Variants in OPHN1 observed in about 807,000 individuals in gnomAD.
OPHN1 encodes oligophrenin-1.
A neutral mutation model predicts 60.7 loss-of-function variants in OPHN1; 11 were observed. That is an observed-to-expected ratio of 0.18 (90% CI 0.11 to 0.30). The LOEUF (loss-of-function observed/expected upper bound fraction) is 0.30, where lower values mean the gene tolerates loss of function less well. Among genes scored for constraint, OPHN1 ranks in the 10% least tolerant of loss-of-function variants. OPHN1 has a pLI of 1.00. For synonymous variants in OPHN1, 226 were observed against 222.6 expected (o/e 1.02, Z -0.14); for missense variants, 449 against 611.0 (o/e 0.73, Z 2.80).
intron 5 of OPHN1, among the ~76,000 whole-genome samples, chrX:68,256,916 C>T (rs2077866681): frequency 9.1e-6 from 1 of 109,744 alleles, no homozygotes; most frequent in African/African-American, 3.3e-5. Context: ...CCTGTAATCC[C>T]AGCTACTCGG....
chrX:68,178,034 A>G (rs2077421446), intron 15 of OPHN1, among the ~76,000 whole-genome samples: 1 of 112,011 alleles, frequency 8.9e-6, no homozygotes, highest in Non-Finnish European at 1.9e-5. Flanking sequence ...TACATTTGGG[A>G]GAATTTTATT....
chrX:68,179,379 T>C (rs1393076456), intron 15 of OPHN1, among the ~76,000 whole-genome samples: 1 of 112,193 alleles, frequency 8.9e-6, no homozygotes, highest in Non-Finnish European at 1.9e-5. Context: ...ATAATGTATA[T>C]CTTTGTCCAG....
intron 2 of OPHN1, among the ~76,000 whole-genome samples, chrX:68,358,229 G>A (rs1180524850): frequency 5.4e-5 from 6 of 110,772 alleles, no homozygotes; most frequent in African/African-American, 2.0e-4. Context: ...GCTGAGGCAC[G>A]AGAATCGCTT....
chrX:68,279,374 G>A (rs1050120294), intron 4 of OPHN1, among the ~76,000 whole-genome samples: 19 of 108,625 alleles, frequency 1.7e-4, no homozygotes, highest in Non-Finnish European at 2.5e-4. Context: ...GCCTCCCAAA[G>A]AGCTAGGATT....
At chrX:68,094,286 T>C (rs1190900534) in intron 19 of OPHN1, among the ~76,000 whole-genome samples, 3 of 111,630 alleles carry the variant, frequency 2.7e-5, no homozygotes, top group African/African-American at 6.5e-5. Flanking sequence ...AGAGGACTTA[T>C]CGGGTTACCT....
chrX:68,179,125 A>G (rs1426757063), intron 15 of OPHN1, among the ~76,000 whole-genome samples: 1 of 111,928 alleles, frequency 8.9e-6, no homozygotes, highest in East Asian at 2.8e-4. Flanking sequence ...TAATTTCTTC[A>G]AAGGGAATTT....
intron 2 of OPHN1, among the ~76,000 whole-genome samples, chrX:68,321,922 GA>G (rs1347095049): frequency 9.7e-6 from 1 of 103,144 alleles, no homozygotes; most frequent in South Asian, 4.2e-4. Context: ...TCAAAATAAA[GA>G]AAAAAAAAAG....
intron 5 of OPHN1, among the ~76,000 whole-genome samples, chrX:68,244,074 A>C (rs2077794124): frequency 8.9e-6 from 1 of 112,751 alleles, no homozygotes; most frequent in South Asian, 3.6e-4. Flanking sequence ...GGCCTGGGCC[A>C]GAACACTCTC....
intron 3 of OPHN1, 39 bp from the exon 4 acceptor site, chrX:68,283,156 G>A: frequency 2.8e-6 from 3 of 1,075,398 alleles, no homozygotes; most frequent in Middle Eastern, 2.5e-4. Context: ...AATTAATCAT[G>A]GTGCTTGACA....
At chrX:68,310,209 G>C (rs2078166318) in intron 2 of OPHN1, among the ~76,000 whole-genome samples, 1 of 111,018 alleles carries the variant, frequency 9.0e-6, no homozygotes, top group African/African-American at 3.3e-5. Flanking sequence ...GCAGGCAAAG[G>C]GACATTACTT....
rs1602344907 is a variant in OPHN1 at position 68,349,310 on chromosome X, C to T, written c.155-50214G>A. Among the ~76,000 whole-genome samples the T allele has an allele frequency of 4.5e-5, 5 of 111,918 alleles. No individual in the cohort carries two copies. The Admixed American group carries it at 4.8e-4, about 11-fold the overall frequency. On this transcript the variant is annotated intron_variant, in intron 2 of 24. Transcript: ENST00000355520. Reference sequence around the variant, plus strand: ...CAGCCAACAGACATATGAAAAAATGCTCATCATCACTGGTCATTAGAGAAA... The same window carrying T: ...CAGCCAACAGACATATGAAAAAATGTTCATCATCACTGGTCATTAGAGAAA...
chrX:68,209,052 G>A (rs2077572766), intron 9 of OPHN1, among the ~76,000 whole-genome samples: 1 of 112,367 alleles, frequency 8.9e-6, no homozygotes, highest in South Asian at 3.7e-4. Context: ...GTAGTGTCAT[G>A]CTTTTTGAAT....
intron 2 of OPHN1, among the ~76,000 whole-genome samples, chrX:68,350,085 G>T (rs776634501): frequency 2.2e-3 from 249 of 111,263 alleles, no homozygotes; most frequent in Non-Finnish European, 3.7e-3. Context: ...AAAATCTATT[G>T]TGCATTTCAA....
intron 15 of OPHN1, among the ~76,000 whole-genome samples, chrX:68,128,480 AAC>A (rs2077180826): frequency 9.4e-6 from 1 of 106,020 alleles, no homozygotes. Flanking sequence ...AATAGAAAAA[AAC>A]AGTTGCACTG....
intron 2 of OPHN1, among the ~76,000 whole-genome samples, chrX:68,415,275 C>A (rs2078788475): frequency 8.9e-6 from 1 of 112,046 alleles, no homozygotes; most frequent in Admixed American, 9.5e-5. Context: ...GAGATAGAAA[C>A]TTATAACTGC....
chrX:68,280,934 C>A (rs903243135), intron 4 of OPHN1, among the ~76,000 whole-genome samples: 6 of 110,810 alleles, frequency 5.4e-5, no homozygotes, highest in Middle Eastern at 4.7e-3. Flanking sequence ...TGAAAAAAAT[C>A]AAAAAAGATA....
intron 15 of OPHN1, among the ~76,000 whole-genome samples, chrX:68,181,182 T>A (rs186997409): frequency 2.6e-4 from 29 of 111,053 alleles, no homozygotes; most frequent in African/African-American, 9.5e-4. Flanking sequence ...AAGCCTGAAT[T>A]TGTTTGATCA....
intron 10 of OPHN1, among the ~76,000 whole-genome samples, chrX:68,205,979 AGT>A (rs1228949782): frequency 0.072 from 6,576 of 91,133 alleles, 181 homozygotes; most frequent in African/African-American, 0.083. Flanking sequence ...AGTGTGTGTG[AGT>A]GTGTGTGTGT....
intron 2 of OPHN1, among the ~76,000 whole-genome samples, chrX:68,352,570 GT>G (rs1421538787): frequency 9.0e-6 from 1 of 111,241 alleles, no homozygotes; most frequent in Non-Finnish European, 1.9e-5. Context: ...AGGCCTAGAT[GT>G]TTCCCCCAGC....
Sources: allele counts gnomAD v4.1 joint callset (sites outside exome capture counted in the v4.1 genomes callset), GRCh38; gene constraint gnomAD v4.1.1; transcripts MANE v1.5; gene names NCBI Gene and HGNC (gene_info 2026-07-23, HGNC 2026-07-21).